ZNF648: variants seen among roughly 807,000 people sequenced by gnomAD.
ZNF648 encodes zinc finger protein 648.
A neutral mutation model predicts 0.3 loss-of-function variants in ZNF648; 1 was observed. The observed-to-expected ratio is 3.90, with a 90% CI of 1.39 to 18.51. The LOEUF is 18.51. Among genes scored for constraint, ZNF648 ranks in the 30% most tolerant of loss-of-function variants. ZNF648 has a pLI of 0.11. For synonymous variants in ZNF648, 376 were observed against 326.8 expected, an observed-to-expected ratio of 1.15 and a Z score of -1.62; for missense variants, 874 against 769.7, an observed-to-expected ratio of 1.14 and a Z score of -1.60.
Position 182,056,204 on chromosome 1 carries a change from G to A in ZNF648, c.*100C>T. 3 of 1,455,900 alleles carry A rather than the reference G, an allele frequency of 2.1e-6. No individual in the cohort carries two copies. The highest frequency in any genetic ancestry group is 2.8e-6 in the Non-Finnish European group (3 of 1,088,546). The allele number at this position is 1,455,900 out of a possible 1,614,324, so 90.2% of individuals were successfully genotyped here. ...TAATCAAATGGACCACTGATGACCC[G>A]CGACCTGCTGGGAGGCGAGGCTGAC... is the stretch of plus-strand genomic sequence containing the variant. On this transcript the variant is annotated 3_prime_UTR_variant, in exon 2 of 2. Coordinates refer to ENST00000339948, the MANE Select transcript of ZNF648 (RefSeq NM_001009992.1).
chr1:182,057,221 T>C lies in ZNF648; in HGVS notation c.790A>G (p.Lys264Glu), dbSNP rs2101919639. ...RGGRAFQKPSKPLSPAETRGG... is the reference protein window; with the variant it reads ...RGGRAFQKPSEPLSPAETRGG... ...CGCGTCTCCGCGGGGCTCAGCGGCT[T>C]GCTGGGCTTCTGAAAGGCCCGCCCG... is the stretch of plus-strand genomic sequence containing the variant. Residue 264 changes from lysine to glutamate, a missense_variant, in exon 2 of 2, where the codon AAG becomes GAG. By Grantham distance (56) the Lys-to-Glu change is moderately conservative. Transcript: ENST00000339948. The C allele has an allele frequency of 6.4e-7, 1 of 1,567,700 alleles. No individual in the cohort carries two copies. Among genetic ancestry groups the C allele is most frequent in the Non-Finnish European group, 8.6e-7 (1 of 1,163,366 alleles).
Position 182,056,834 on chromosome 1 carries a change from G to T in ZNF648, c.1177C>A (p.Arg393Ser). 6.4e-7 allele frequency: 1 copy of T among 1,555,520 alleles called. No individual in the cohort carries two copies. Among genetic ancestry groups the T allele is most frequent in the Non-Finnish European group, 8.7e-7 (1 of 1,149,884 alleles). Residue 393 changes from arginine (R) to serine (S), a missense_variant, in exon 2 of 2, where the codon CGC (arginine) becomes AGC (serine). Coordinates refer to ENST00000339948, the MANE Select transcript of ZNF648 (RefSeq NM_001009992.1). The part of the protein sequence containing the change: ...QRTHLGAKPF[R>S]CPACDREFAV... The stretch of plus-strand genomic sequence containing the variant: ...AACTCCCGGTCGCAGGCGGGGCAGC[G>T]GAAGGGCTTGGCGCCCAGGTGCGTG...
At chr1:182,059,983 G>A (rs1046696614) in intron 1 of ZNF648, among the ~76,000 whole-genome samples, 1 of 152,206 alleles carries the variant, frequency 6.6e-6, no homozygotes, top group African/African-American at 2.4e-5. Flanking sequence ...CTGCCTCCCA[G>A]CTGTGGCCTT....
At position 182,057,106 on chromosome 1, in the gene ZNF648, G is replaced by T; in HGVS notation, c.905C>A (p.Thr302Lys). 1 of 1,609,772 alleles carries T rather than the reference G, an allele frequency of 6.2e-7. No individual in the cohort carries two copies. Among genetic ancestry groups the T allele is most frequent in the South Asian group, 1.1e-5 (1 of 91,068 alleles). Residue 302 changes from threonine (T) to lysine (K), a missense_variant, in exon 2 of 2, where the codon ACG becomes AAG. Transcript: ENST00000339948. ...GGAGCACTGGTAGGGCCGCTCGCCC[G>T]TGTGCAGGCGCCTGTGCTGCTGGAG... is the stretch of plus-strand genomic sequence containing the variant. ...GTLQQHRRLH[T>K]GERPYQCSFC...
intron 1 of ZNF648, among the ~76,000 whole-genome samples, chr1:182,059,847 T>C (rs1666003054): frequency 6.6e-6 from 1 of 151,892 alleles, no homozygotes; most frequent in African/African-American, 2.4e-5. Context: ...TATATTATTC[T>C]TTCAATTTTA....
intron 1 of ZNF648, among the ~76,000 whole-genome samples, chr1:182,058,452 C>T (rs995552865): frequency 1.3e-5 from 2 of 151,942 alleles, no homozygotes; most frequent in Non-Finnish European, 2.9e-5. Flanking sequence ...TCCTAAGACA[C>T]TCTTACAGTG....
In ZNF648 at chr1:182,056,088, T is replaced by C; in HGVS notation, c.*216A>G. ...CTTTGTCTTTCCCTTTTCCAATTGC[T>C]TATGACCTCGGACACTCAGAACCAC... On this transcript the variant is annotated 3_prime_UTR_variant, in exon 2 of 2. Coordinates refer to ENST00000339948, the MANE Select transcript of ZNF648 (RefSeq NM_001009992.1). The C allele has an allele frequency of 1.7e-6, 1 of 605,976 alleles. No individual in the cohort carries two copies. The highest frequency in any genetic ancestry group is 2.8e-6 in the Non-Finnish European group (1 of 356,430). 37.5% of individuals were successfully genotyped at this position (605,976 alleles called of 1,614,324 possible).
upstream of ZNF648, chr1:182,063,242 T>G (rs1666054016): frequency 6.6e-6 from 1 of 152,236 alleles, no homozygotes; most frequent in Non-Finnish European, 1.5e-5. Flanking sequence ...GTGGATCAAA[T>G]GGTATTTCTG....
At position 182,057,609 on chromosome 1, in the gene ZNF648, C is replaced by T; in HGVS notation, c.402G>A (p.Leu134=). 4 of 1,614,192 alleles carry T rather than the reference C, an allele frequency of 2.5e-6. No homozygotes were observed. The highest frequency in any genetic ancestry group is 3.4e-6 in the Non-Finnish European group (4 of 1,180,052). The change falls in exon 2 of 2, where the codon TTG becomes TTA. Residue 134 remains leucine (L), a synonymous_variant. Transcript: ENST00000339948. The part of the protein sequence containing the change: ...GSLPSGLAHK[L]LGQMQPLGDR... ...CCCCAAGAGGTTGCATCTGACCTAA[C>T]AATTTGTGTGCGAGACCACTGGGAA...
chr1:182,063,729 T>A (rs1435091139), upstream of ZNF648: 1 of 152,254 alleles, frequency 6.6e-6, no homozygotes, highest in Non-Finnish European at 1.5e-5. Flanking sequence ...CATTTGTCAA[T>A]TTTTGCTTTT....
In ZNF648 at chr1:182,056,623, A is replaced by AGGCGCGAGGGC; in HGVS notation, c.1377_1387dup (p.Leu463ArgfsTer33). ...AGTGTGGATGCGCTGGTGGCGCACG[A>AGGCGCGAGGGC]GGCGCGAGGGCTGCGCGAAGGCCAC... is the stretch of plus-strand genomic sequence containing the variant. On this transcript the variant is annotated frameshift_variant, in exon 2 of 2. Coordinates refer to ENST00000339948, the MANE Select transcript of ZNF648 (RefSeq NM_001009992.1). LOFTEE classifies it low-confidence loss of function (END_TRUNC). 3 of 1,612,364 alleles carry AGGCGCGAGGGC rather than the reference A, an allele frequency of 1.9e-6. No individual in the cohort carries two copies. Among genetic ancestry groups the AGGCGCGAGGGC allele is most frequent in the Non-Finnish European group, 2.5e-6 (3 of 1,179,314 alleles).
chr1:182,067,466 C>T, the ZNF648 span, among the ~76,000 whole-genome samples: 1 of 152,134 alleles, frequency 6.6e-6, no homozygotes, highest in African/African-American at 2.4e-5. Flanking sequence ...TATTAGCTAA[C>T]AATATAATAT....
At chr1:182,058,637 G>T (rs747134295) in intron 1 of ZNF648, among the ~76,000 whole-genome samples, 6 of 151,914 alleles carry the variant, frequency 3.9e-5, no homozygotes, top group Non-Finnish European at 8.8e-5. Context: ...AGTCAGGAAG[G>T]CACCAGTTGC....
chr1:182,065,704 G>T (rs965362846), upstream of ZNF648, among the ~76,000 whole-genome samples: 1 of 152,166 alleles, frequency 6.6e-6, no homozygotes, highest in East Asian at 1.9e-4. Context: ...CATCCTCCAA[G>T]CCATCTTAAG....
At position 182,057,304 on chromosome 1, in the gene ZNF648, TG is replaced by T; in HGVS notation, c.706del (p.Gln236ArgfsTer31). The T allele has an allele frequency of 6.2e-7, 1 of 1,603,476 alleles. No homozygotes were observed. ...KARNSRKVQNQAGRREGGEAE... is the reference protein window; with the variant it reads ...KARNSRKVQNXAGRREGGEAE... ...CTCTCCGCCCTCGCGCCGGCCCGCC[TG>T]GTTCTGTACTTTCCTGCTGTTCCGC... On this transcript the variant is annotated frameshift_variant, in exon 2 of 2. Coordinates refer to ENST00000339948, the MANE Select transcript of ZNF648 (RefSeq NM_001009992.1). LOFTEE classifies it low-confidence loss of function (END_TRUNC).
chr1:182,056,755 GGCCGCTCGCCCGAGT>G lies in ZNF648; in HGVS notation c.1241_1255del (p.His414_Arg418del), dbSNP rs1557970232. 6.4e-7 allele frequency: 1 copy of G among 1,569,552 alleles called. No individual in the cohort carries two copies. The highest frequency in any genetic ancestry group is 8.6e-7 in the Non-Finnish European group (1 of 1,157,524). ...CTTGCCGCAGGTGGGGCAGGGGAAG[GGCCGCTCGCCCGAGT>G]GCACGCGCTGGTGCTCCACCATGCG... On this transcript the variant is annotated inframe_deletion, in exon 2 of 2. Transcript: ENST00000339948.
At chr1:182,063,355 G>C (rs774836440), upstream of ZNF648, 1 of 152,116 alleles carries the variant, frequency 6.6e-6, no homozygotes, top group Non-Finnish European at 1.5e-5. Context: ...TCGCAACCTC[G>C]CCAGCATCTG....
upstream of ZNF648, among the ~76,000 whole-genome samples, chr1:182,065,823 G>A (rs548231892): frequency 1.3e-5 from 2 of 152,314 alleles, no homozygotes; most frequent in Non-Finnish European, 2.9e-5. Context: ...CCCAGGTCTT[G>A]CCTATCCCAC....
Position 182,056,836 on chromosome 1 carries a change from A to T in ZNF648, c.1175T>A (p.Phe392Tyr), listed in dbSNP as rs549979158. Residue 392 changes from phenylalanine (F) to tyrosine (Y), a missense_variant, in exon 2 of 2, where the codon TTC (phenylalanine) becomes TAC (tyrosine). By Grantham distance (22) the Phe-to-Tyr change is conservative. Coordinates refer to ENST00000339948, the MANE Select transcript of ZNF648 (RefSeq NM_001009992.1). Reference sequence around the variant, plus strand: ...CTCCCGGTCGCAGGCGGGGCAGCGGAAGGGCTTGGCGCCCAGGTGCGTGCG... The same window carrying T: ...CTCCCGGTCGCAGGCGGGGCAGCGGTAGGGCTTGGCGCCCAGGTGCGTGCG... ...HQRTHLGAKP[F>Y]RCPACDREFA... 8.4e-6 allele frequency: 13 copies of T among 1,555,106 alleles called. No homozygotes were observed. Among genetic ancestry groups the T allele is most frequent in the Non-Finnish European group, 1.1e-5 (13 of 1,149,940 alleles).
Sources: allele counts gnomAD v4.1 joint callset (sites outside exome capture counted in the v4.1 genomes callset), GRCh38; gene constraint gnomAD v4.1.1; transcripts MANE v1.5; gene names NCBI Gene and HGNC (gene_info 2026-07-23, HGNC 2026-07-21).